CHRM2: variants seen among roughly 807,000 people sequenced by gnomAD.
CHRM2 encodes the protein cholinergic receptor muscarinic 2.
In CHRM2, 8 loss-of-function variants were observed where a neutral mutation model predicts 25.0. The ratio of observed to expected loss-of-function variants is 0.32; its 90% CI spans 0.19 to 0.58. The LOEUF (loss-of-function observed/expected upper bound fraction) is 0.58. Ranked by LOEUF, CHRM2 falls within the 20% of genes least tolerant of loss-of-function variation. The probability of loss-of-function intolerance (pLI) is 0.88; values close to 1 mark genes in which losing one functional copy is unlikely to be tolerated. For missense variants in CHRM2, 440 were observed against 567.1 expected (o/e 0.78, Z 2.28); for synonymous variants, 202 against 205.7 (o/e 0.98, Z 0.15).
rs866152691 is a variant in CHRM2 at position 137,016,576 on chromosome 7, A to G, written c.*310A>G. 3.0e-5 allele frequency: 11 copies of G among 361,836 alleles called. No homozygotes were observed. The highest frequency in any genetic ancestry group is 9.2e-4 in the Middle Eastern group (1 of 1,090). 22.4% of individuals were successfully genotyped at this position (361,836 alleles called of 1,614,324 possible). A position where few individuals can be genotyped will look rare whatever the true frequency, so the allele number is the denominator to read the frequency against. ...GGGCTTCTGATTCTACAATTTTATC[A>G]GTCTCTGCACAAGAGGAATAACCTT... On this transcript the variant is annotated 3_prime_UTR_variant, in exon 4 of 4. Transcript: ENST00000680005.
At chr7:136,888,343 A>G (rs1796552160) in intron 2 of CHRM2, among the ~76,000 whole-genome samples, 1 of 152,198 alleles carries the variant, frequency 6.6e-6, no homozygotes, top group South Asian at 2.1e-4. Flanking sequence ...CGCTGGGGAA[A>G]GGAGAGATAC....
chr7:136,894,155 T>C (rs1796799015), intron 2 of CHRM2, among the ~76,000 whole-genome samples: 1 of 152,132 alleles, frequency 6.6e-6, no homozygotes, highest in Admixed American at 6.5e-5. Context: ...GATTGTAAAG[T>C]ACTTTAGAAT....
chr7:136,968,017 T>C (rs1298520782), intron 2 of CHRM2, among the ~76,000 whole-genome samples: 2 of 152,070 alleles, frequency 1.3e-5, no homozygotes, highest in Admixed American at 6.6e-5. Context: ...GTGGACATTG[T>C]GTTCACTGCT....
chr7:136,929,068 G>A (rs1162777632), intron 2 of CHRM2, among the ~76,000 whole-genome samples: 2 of 152,086 alleles, frequency 1.3e-5, no homozygotes, highest in Admixed American at 1.3e-4. Flanking sequence ...CAGACGATAT[G>A]CGATCACGTG....
intron 2 of CHRM2, among the ~76,000 whole-genome samples, chr7:136,916,266 A>G (rs1219411595): frequency 6.6e-6 from 1 of 151,958 alleles, no homozygotes; most frequent in Non-Finnish European, 1.5e-5. Context: ...ATCTTGTCTT[A>G]GAAATAAGAA....
chr7:136,959,089 G>A (rs1767283493), intron 2 of CHRM2, among the ~76,000 whole-genome samples: 1 of 152,156 alleles, frequency 6.6e-6, no homozygotes, highest in Non-Finnish European at 1.5e-5. Context: ...CCAATATCAT[G>A]TGAACAATGG....
chr7:136,914,843 A>T (rs1322783120), intron 2 of CHRM2, among the ~76,000 whole-genome samples: 1 of 151,990 alleles, frequency 6.6e-6, no homozygotes, highest in Non-Finnish European at 1.5e-5. Flanking sequence ...AATGTTTGTT[A>T]TTATAATGAA....
intron 2 of CHRM2, among the ~76,000 whole-genome samples, chr7:136,873,611 T>C (rs1795928854): frequency 6.6e-6 from 1 of 152,218 alleles, no homozygotes; most frequent in African/African-American, 2.4e-5. Flanking sequence ...ATACAGCTAG[T>C]AAGTTGCAGC....
intron 2 of CHRM2, among the ~76,000 whole-genome samples, chr7:136,968,143 C>T (rs1801530056): frequency 1.3e-5 from 2 of 152,028 alleles, no homozygotes; most frequent in Admixed American, 1.3e-4. Flanking sequence ...GTATTCACCA[C>T]CTCACATACT....
chr7:136,889,047 CAAAAAAAAAAAA>C (rs56915229), intron 2 of CHRM2, among the ~76,000 whole-genome samples: 1 of 66,494 alleles, frequency 1.5e-5, no homozygotes. Flanking sequence ...GACTACATCT[CAAAAAAAAAAAA>C]AAAAAAAAAA....
chr7:136,915,456 TTGAAG>T (rs1798054899), intron 2 of CHRM2, among the ~76,000 whole-genome samples: 1 of 151,900 alleles, frequency 6.6e-6, no homozygotes, highest in Non-Finnish European at 1.5e-5. Flanking sequence ...TAGGTTTTAA[TTGAAG>T]TGATCAGTAA....
intron 2 of CHRM2, among the ~76,000 whole-genome samples, chr7:136,990,941 T>TTGTC (rs1396537755): frequency 6.6e-6 from 1 of 152,138 alleles, no homozygotes; most frequent in Non-Finnish European, 1.5e-5. Flanking sequence ...AGTTATCTCA[T>TTGTC]TGTCTTGATT....
At chr7:136,962,203 G>A (rs957038632) in intron 2 of CHRM2, among the ~76,000 whole-genome samples, 2 of 151,860 alleles carry the variant, frequency 1.3e-5, no homozygotes, top group African/African-American at 4.8e-5. Flanking sequence ...TGCAATCTTG[G>A]CTCACTGCAA....
intron 2 of CHRM2, among the ~76,000 whole-genome samples, chr7:136,915,709 T>C (rs1798066878): frequency 6.6e-6 from 1 of 151,760 alleles, no homozygotes; most frequent in African/African-American, 2.4e-5. Flanking sequence ...AACAGAAAAA[T>C]GTCTACTATT....
intron 3 of CHRM2, among the ~76,000 whole-genome samples, chr7:137,005,887 G>A (rs865850266): frequency 1.3e-5 from 2 of 152,054 alleles, no homozygotes; most frequent in African/African-American, 2.4e-5. Flanking sequence ...TCTAAAAGCC[G>A]ACTATACAAA....
intron 2 of CHRM2, among the ~76,000 whole-genome samples, chr7:136,889,285 G>A (rs1437710131): frequency 6.6e-6 from 1 of 151,990 alleles, no homozygotes; most frequent in Non-Finnish European, 1.5e-5. Context: ...AAGAGCACTG[G>A]GGGAACCACT....
chr7:136,968,386 C>A (rs1007780348), intron 2 of CHRM2, among the ~76,000 whole-genome samples: 1 of 148,546 alleles, frequency 6.7e-6, no homozygotes, highest in Admixed American at 6.7e-5. Flanking sequence ...ACAACTACTG[C>A]TGAGGGTGTA....
chr7:136,955,333 G>A (rs1010708613), intron 2 of CHRM2, among the ~76,000 whole-genome samples: 10 of 152,098 alleles, frequency 6.6e-5, no homozygotes, highest in African/African-American at 2.4e-4. Context: ...GGCACCTTTA[G>A]TACTATTACT....
intron 2 of CHRM2, among the ~76,000 whole-genome samples, chr7:136,936,554 A>G (rs1799422754): frequency 6.6e-6 from 1 of 152,188 alleles, no homozygotes; most frequent in Admixed American, 6.5e-5. Context: ...TCAGTCACAG[A>G]TAAATTGTTT....
Sources: allele counts gnomAD v4.1 joint callset (sites outside exome capture counted in the v4.1 genomes callset), GRCh38; gene constraint gnomAD v4.1.1; transcripts MANE v1.5; gene names NCBI Gene and HGNC (gene_info 2026-07-23, HGNC 2026-07-21).